The following CCDC57 variants were observed in gnomAD, a reference collection of about 807,000 sequenced individuals.
The protein encoded by CCDC57 is coiled-coil domain-containing protein 57.
Under a neutral mutation model 118.9 loss-of-function variants are expected in CCDC57, and 118 were observed. The ratio of observed to expected loss-of-function variants is 0.99; its 90% CI spans 0.86 to 1.16. The LOEUF (loss-of-function observed/expected upper bound fraction) is 1.16, where lower values mean the gene tolerates loss of function less well. CCDC57 is among the 50% of genes most tolerant of loss of function. CCDC57 has a pLI of 0.00. For missense variants in CCDC57, 1,300 were observed against 1,320.7 expected, an observed-to-expected ratio of 0.98 and a Z score of 0.24; for synonymous variants, 527 against 532.9, an observed-to-expected ratio of 0.99 and a Z score of 0.15.
intron 13 of CCDC57, among the ~76,000 whole-genome samples, chr17:82,164,423 T>G (rs995339037): frequency 1.3e-5 from 2 of 150,986 alleles, no homozygotes; most frequent in African/African-American, 4.9e-5. Context: ...CCAAATAAAG[T>G]AGGAGGAAGA....
chr17:82,165,624 C>T (rs745437340), intron 13 of CCDC57, among the ~76,000 whole-genome samples: 17 of 152,184 alleles, frequency 1.1e-4, no homozygotes, highest in Admixed American at 3.3e-4. Flanking sequence ...GGACAAAGGC[C>T]AGCTGGGCTT....
intron 19 of CCDC57, among the ~76,000 whole-genome samples, chr17:82,116,545 C>T (rs2035944417): frequency 6.6e-6 from 1 of 152,138 alleles, no homozygotes; most frequent in African/African-American, 2.4e-5. Flanking sequence ...GACCCCAGGA[C>T]ATGCTTGGCC....
intron 16 of CCDC57, among the ~76,000 whole-genome samples, chr17:82,136,110 C>A (rs1182186866): frequency 6.6e-6 from 1 of 152,050 alleles, no homozygotes; most frequent in Admixed American, 6.6e-5. Context: ...CCCAGCAAGG[C>A]CACTTCTAGG....
At chr17:82,171,743 C>A (rs533316344) in exon 13 of CCDC57, 1 of 1,613,774 alleles carries the variant, frequency 6.2e-7, no homozygotes, top group Admixed American at 1.7e-5. Flanking sequence ...TGAGACTCAG[C>A]ATGAGGTGAG....
Position 82,194,319 on chromosome 17 carries a change from T to TTTC in CCDC57, c.619-183_619-181dup, listed in dbSNP as rs750248790. ...AACGAGACTCAATGACTTTTTTTTT[T>TTTC]TTCTTTTTGGAGACAGAGTCTTGCT... On this transcript the variant is annotated intron_variant, in intron 5 of 19. Transcript: ENST00000665763. 1,746 of 649,938 alleles carry TTTC rather than the reference T, an allele frequency of 2.7e-3. 2 individuals are homozygous for TTTC. Among genetic ancestry groups the TTTC allele is most frequent in the Middle Eastern group, 7.8e-3 (18 of 2,318 alleles). The allele number at this position is 649,938 out of a possible 1,614,324, so 40.3% of individuals were successfully genotyped here.
chr17:82,164,026 C>T (rs189798583), intron 13 of CCDC57, among the ~76,000 whole-genome samples: 5 of 151,560 alleles, frequency 3.3e-5, no homozygotes, highest in South Asian at 2.1e-4. Flanking sequence ...GATAACAGAG[C>T]GAGACCCTGT....
chr17:82,206,842 A>G (rs1391908701), intron 2 of CCDC57, among the ~76,000 whole-genome samples: 5 of 152,170 alleles, frequency 3.3e-5, no homozygotes, highest in Non-Finnish European at 7.3e-5. Flanking sequence ...CAGACAGTGA[A>G]AGAGATCTGA....
exon 3 of CCDC57, chr17:82,201,830 T>C (rs2049033098): frequency 6.2e-7 from 1 of 1,613,574 alleles, no homozygotes; most frequent in Non-Finnish European, 8.5e-7. Context: ...TGGCTCCGTG[T>C]GTCCTGCAGA....
At chr17:82,182,607 G>C (rs1293308524) in intron 9 of CCDC57, among the ~76,000 whole-genome samples, 1 of 151,862 alleles carries the variant, frequency 6.6e-6, no homozygotes, top group Non-Finnish European at 1.5e-5. Flanking sequence ...GCCAGCCTTG[G>C]CCTCCCAAAG....
intron 16 of CCDC57, among the ~76,000 whole-genome samples, chr17:82,144,347 A>C (rs1322486938): frequency 6.6e-6 from 1 of 152,194 alleles, no homozygotes; most frequent in Non-Finnish European, 1.5e-5. Context: ...CAACATACAG[A>C]AAATTCTATT....
chr17:82,174,260 G>C (rs1232286673), intron 11 of CCDC57, among the ~76,000 whole-genome samples: 3 of 152,244 alleles, frequency 2.0e-5, no homozygotes, highest in African/African-American at 7.2e-5. Context: ...GCTGGCCTGG[G>C]CTCCCAGGAG....
In CCDC57 at chr17:82,192,421, A is replaced by G. The variant is rs1179544200; in HGVS notation, c.851+1335T>C. On this transcript the variant is annotated intron_variant, in intron 7 of 19. Transcript: ENST00000665763. This position sits in a 1 kb window ranked among gnomAD's most constrained non-coding sequence, Gnocchi z 4.0. ...AAGTTTTTGGGGAGTGAAAAGTTAT[A>G]TGTGAATTTTTGACCTCATGGGGCT... Among the ~76,000 whole-genome samples, 1 of 152,212 alleles carries G rather than the reference A, an allele frequency of 6.6e-6. No individual in the cohort carries two copies. The highest frequency in any genetic ancestry group is 1.5e-5 in the Non-Finnish European group (1 of 68,038).
At chr17:82,201,306 AG>A (rs1458829152) in intron 3 of CCDC57, among the ~76,000 whole-genome samples, 3 of 152,388 alleles carry the variant, frequency 2.0e-5, no homozygotes, top group African/African-American at 7.2e-5. Context: ...ATCAGAACCC[AG>A]AAAAAGACAG....
chr17:82,179,328 G>A (rs571287423), intron 9 of CCDC57, 139 bp from the exon 9 acceptor site: 8 of 913,228 alleles, frequency 8.8e-6, no homozygotes, highest in South Asian at 7.1e-5. Flanking sequence ...ACATGCTCCC[G>A]AGCTCCTGTG....
At chr17:82,179,867 T>C (rs1292641973) in intron 9 of CCDC57, among the ~76,000 whole-genome samples, 1 of 151,018 alleles carries the variant, frequency 6.6e-6, no homozygotes, top group Non-Finnish European at 1.5e-5. Context: ...GAAAGAAGAG[T>C]CTACAAGGAA....
rs1050128452 is a variant in CCDC57, at chr17:82,192,822, T to C, written c.851+934A>G. 6.6e-6 allele frequency among the ~76,000 whole-genome samples: 1 copy of C among 152,246 alleles called. No individual in the cohort carries two copies. Among genetic ancestry groups the C allele is most frequent in the East Asian group, 1.9e-4 (1 of 5,200 alleles). On this transcript the variant is annotated intron_variant, in intron 7 of 19. Coordinates refer to ENST00000665763, the Ensembl canonical transcript of CCDC57. The surrounding 1 kb of genome is among the most constrained non-coding windows in gnomAD (Gnocchi z 4.0). The stretch of plus-strand genomic sequence containing the variant: ...TGTCCTTGAAGTTCTTCTGGATTTA[T>C]ACAACTGCACAAATATCATGTCAAT...
intron 14 of CCDC57, among the ~76,000 whole-genome samples, chr17:82,162,006 AT>A (rs11306895): frequency 0.45 from 67,514 of 150,328 alleles, 16,118 homozygotes; most frequent in East Asian, 0.88. Flanking sequence ...AATTAAAAAA[AT>A]TTTTTTTTTG....
At chr17:82,191,735 C>T (rs1384605496) in intron 7 of CCDC57, among the ~76,000 whole-genome samples, 1 of 152,096 alleles carries the variant, frequency 6.6e-6, no homozygotes, top group African/African-American at 2.4e-5. Context: ...GGCACCACCT[C>T]GGCTCACTAC....
intron 5 of CCDC57, among the ~76,000 whole-genome samples, chr17:82,194,805 G>A (rs747909667): frequency 3.9e-5 from 6 of 152,240 alleles, no homozygotes; most frequent in Admixed American, 6.5e-5. Context: ...AGCCACTCGC[G>A]TCCCAGCTGC....
Sources: gnomAD v4.1 joint callset for allele counts (sites outside exome capture counted in the v4.1 genomes callset) on GRCh38, gnomAD v4.1.1 for gene constraint, Gnocchi (gnomAD v3.1) non-coding constraint, MANE v1.5 for transcripts, NCBI Gene and HGNC (gene_info 2026-07-23, HGNC 2026-07-21) for gene names.